Variants in ADCK1 observed in about 807,000 individuals in gnomAD.
ADCK1 encodes the protein aarF domain-containing protein kinase 1.
A neutral mutation model predicts 52.3 loss-of-function variants in ADCK1; 41 were observed. The observed-to-expected ratio is 0.78, with a 90% CI of 0.61 to 1.02. ADCK1 has a LOEUF of 1.02. Ranked by LOEUF, ADCK1 falls within the 50% of genes least tolerant of loss-of-function variation. The pLI is 0.00. For synonymous variants in ADCK1, 250 were observed against 274.6 expected (o/e 0.91, Z 0.89); for missense variants, 658 against 679.5 (o/e 0.97, Z 0.35).
At chr14:77,865,452 C>T (rs1049516206) in intron 4 of ADCK1, among the ~76,000 whole-genome samples, 1 of 152,184 alleles carries the variant, frequency 6.6e-6, no homozygotes, top group African/African-American at 2.4e-5. Context: ...CACTGCACTC[C>T]AGCCTGGGTG....
chr14:77,815,460 G>T (rs989594815), intron 1 of ADCK1, among the ~76,000 whole-genome samples: 1 of 150,790 alleles, frequency 6.6e-6, no homozygotes, highest in Non-Finnish European at 1.5e-5. Flanking sequence ...TCCTCCCATT[G>T]TGGCCTCCGG....
intron 3 of ADCK1, among the ~76,000 whole-genome samples, chr14:77,841,689 AAAAAAAAT>A (rs2082070167): frequency 1.5e-5 from 2 of 135,574 alleles, no homozygotes; most frequent in Non-Finnish European, 3.1e-5. Flanking sequence ...AAAAAAAAAA[AAAAAAAAT>A]TAGCCAGGCG....
intron 5 of ADCK1, among the ~76,000 whole-genome samples, chr14:77,893,560 A>G (rs2083327575): frequency 6.6e-6 from 1 of 152,012 alleles, no homozygotes; most frequent in South Asian, 2.1e-4. Flanking sequence ...GTGCTCGGCT[A>G]TGTTGGGGTG....
intron 3 of ADCK1, among the ~76,000 whole-genome samples, chr14:77,856,621 C>T (rs1259884345): frequency 6.6e-6 from 1 of 152,192 alleles, no homozygotes; most frequent in African/African-American, 2.4e-5. Flanking sequence ...TCCATCTGAC[C>T]TAATCAATAA....
chr14:77,921,006 T>C (rs2084036919), intron 7 of ADCK1, among the ~76,000 whole-genome samples: 1 of 151,128 alleles, frequency 6.6e-6, no homozygotes, highest in East Asian at 2.0e-4. Flanking sequence ...GCTTTGAGGG[T>C]GATAGTGGGT....
At chr14:77,883,433 G>T (rs2083078524) in intron 4 of ADCK1, among the ~76,000 whole-genome samples, 1 of 152,098 alleles carries the variant, frequency 6.6e-6, no homozygotes, top group South Asian at 2.1e-4. Flanking sequence ...TCGGGACAGG[G>T]TCTATTTTTC....
At chr14:77,883,735 C>T (rs1411596751) in intron 4 of ADCK1, among the ~76,000 whole-genome samples, 1 of 152,028 alleles carries the variant, frequency 6.6e-6, no homozygotes, top group Non-Finnish European at 1.5e-5. Flanking sequence ...TGACAGGTTT[C>T]CGGTGCCCAG....
chr14:77,838,736 C>A (rs1373045554), intron 3 of ADCK1, among the ~76,000 whole-genome samples: 1 of 152,192 alleles, frequency 6.6e-6, no homozygotes, highest in Non-Finnish European at 1.5e-5. Context: ...ATCTTTACCC[C>A]CTAACCCCCA....
intron 5 of ADCK1, among the ~76,000 whole-genome samples, chr14:77,895,276 A>G (rs1020212236): frequency 6.6e-6 from 1 of 152,238 alleles, no homozygotes; most frequent in Non-Finnish European, 1.5e-5. Context: ...CGATTCCCCC[A>G]AATTCAGAAG....
chr14:77,883,405 G>T lies in ADCK1; in HGVS notation c.424-3686G>T, dbSNP rs185168372. ...GGGTGGTGTTTGTTTCAGCTGCATG[G>T]GGGGTATAATTCTGCTTTCGGGACA... On this transcript the variant is annotated intron_variant, in intron 4 of 10. Transcript: ENST00000238561. 4.8e-3 allele frequency among the ~76,000 whole-genome samples: 722 copies of T among 150,258 alleles called. 5 individuals are homozygous for T. Among genetic ancestry groups the T allele is most frequent in the Non-Finnish European group, 8.0e-3 (543 of 67,626 alleles).
chr14:77,919,838 C>T (rs575830183), intron 7 of ADCK1, among the ~76,000 whole-genome samples: 41 of 151,470 alleles, frequency 2.7e-4, no homozygotes, highest in East Asian at 7.8e-4. Context: ...TCATTAGTGA[C>T]GTTGAGCATT....
intron 9 of ADCK1, among the ~76,000 whole-genome samples, chr14:77,927,143 CT>C (rs547267672): frequency 4.3e-4 from 65 of 152,302 alleles, no homozygotes; most frequent in Non-Finnish European, 7.4e-4. Context: ...CTGTAAGCTG[CT>C]TTGTGATAGG....
intron 4 of ADCK1, among the ~76,000 whole-genome samples, chr14:77,879,385 G>T (rs531351382): frequency 1.3e-5 from 2 of 152,202 alleles, no homozygotes; most frequent in Admixed American, 6.5e-5. Context: ...GAGAATGTAC[G>T]CAGGGGAGAC....
chr14:77,905,720 A>T (rs2083651263), intron 6 of ADCK1, among the ~76,000 whole-genome samples: 2 of 152,122 alleles, frequency 1.3e-5, no homozygotes, highest in Admixed American at 1.3e-4. Flanking sequence ...AGGCTGAGGC[A>T]GGAGGATCTC....
chr14:77,835,100 T>C (rs1396357532), intron 3 of ADCK1, among the ~76,000 whole-genome samples: 1 of 152,212 alleles, frequency 6.6e-6, no homozygotes. Flanking sequence ...AGGCATAAGC[T>C]AGGACTTCCC....
chr14:77,865,274 T>A (rs754144448), intron 4 of ADCK1, among the ~76,000 whole-genome samples: 1 of 151,966 alleles, frequency 6.6e-6, no homozygotes, highest in African/African-American at 2.4e-5. Flanking sequence ...AGGTTAGGAG[T>A]TCGAGACCAG....
chr14:77,835,750 C>T (rs1162576590), intron 3 of ADCK1, among the ~76,000 whole-genome samples: 4 of 152,342 alleles, frequency 2.6e-5, no homozygotes, highest in African/African-American at 9.6e-5. Flanking sequence ...ATCCTCCCAT[C>T]TTAGCCTCCC....
intron 3 of ADCK1, among the ~76,000 whole-genome samples, chr14:77,841,304 C>T (rs541041393): frequency 1.6e-4 from 25 of 152,212 alleles, no homozygotes; most frequent in Admixed American, 9.2e-4. Flanking sequence ...CACAGGTCAA[C>T]GGAACAACAC....
chr14:77,811,924 A>C (rs1196611012), intron 1 of ADCK1, among the ~76,000 whole-genome samples: 1 of 152,210 alleles, frequency 6.6e-6, no homozygotes, highest in Admixed American at 6.5e-5. Context: ...ATAAAGAGAA[A>C]TATCAAGGAA....
Sources: allele counts gnomAD v4.1 joint callset (sites outside exome capture counted in the v4.1 genomes callset), GRCh38; gene constraint gnomAD v4.1.1; transcripts MANE v1.5; gene names NCBI Gene and HGNC (gene_info 2026-07-23, HGNC 2026-07-21).